Variants in PIEZO2 observed in about 807,000 individuals in gnomAD.
PIEZO2 encodes piezo-type mechanosensitive ion channel component 2.
Under a neutral mutation model 337.3 loss-of-function variants are expected in PIEZO2, and 172 were observed. That is an observed-to-expected ratio of 0.51 (90% CI 0.45 to 0.58). PIEZO2 has a LOEUF of 0.58. PIEZO2 is among the 20% of genes least tolerant of loss of function. The pLI is 0.00. For synonymous variants in PIEZO2, 1,251 were observed against 1,228.5 expected (o/e 1.02, Z -0.38); for missense variants, 3,028 against 3,391.3 (o/e 0.89, Z 2.66).
intron 1 of PIEZO2, among the ~76,000 whole-genome samples, chr18:11,130,128 T>C (rs1302267864): frequency 6.6e-6 from 1 of 152,208 alleles, no homozygotes; most frequent in East Asian, 1.9e-4. Context: ...AGTGCCACCA[T>C]CAAGGACTTG....
intron 3 of PIEZO2, among the ~76,000 whole-genome samples, chr18:10,961,300 G>A (rs2033769567): frequency 6.6e-6 from 1 of 152,034 alleles, no homozygotes; most frequent in Admixed American, 6.6e-5. Context: ...CTTATTCTAA[G>A]TGAAGTAAAG....
Position 10,854,814 on chromosome 18 carries a change from G to A in PIEZO2, c.917+539C>T, listed in dbSNP as rs745356844. ...CCGCAGTCTTGACCTCCCAGGCTCA[G>A]GTGACGCTCCCACTTCAGCCTCCTG... is the stretch of plus-strand genomic sequence containing the variant. On this transcript the variant is annotated intron_variant, in intron 7 of 55. Coordinates refer to ENST00000674853, the MANE Select transcript of PIEZO2 (RefSeq NM_001378183.1). This position sits in a 1 kb window ranked among gnomAD's most constrained non-coding sequence, Gnocchi z 4.6. Among the ~76,000 whole-genome samples, 4 of 152,182 alleles carry A rather than the reference G, an allele frequency of 2.6e-5. No individual in the cohort carries two copies. Among genetic ancestry groups the A allele is most frequent in the Non-Finnish European group, 5.9e-5 (4 of 68,040 alleles).
At chr18:10,922,854 C>A (rs1172010139) in intron 3 of PIEZO2, among the ~76,000 whole-genome samples, 1 of 152,078 alleles carries the variant, frequency 6.6e-6, no homozygotes, top group Non-Finnish European at 1.5e-5. Context: ...CAAAACTATA[C>A]AAAATAAAGC....
At chr18:11,026,562 A>G (rs184335865) in intron 2 of PIEZO2, among the ~76,000 whole-genome samples, 53 of 152,330 alleles carry the variant, frequency 3.5e-4, no homozygotes, top group African/African-American at 1.2e-3. Flanking sequence ...ATGCCGATGC[A>G]CTGTGCTCTT....
At chr18:11,098,094 A>C (rs1276446300) in intron 1 of PIEZO2, among the ~76,000 whole-genome samples, 2 of 152,200 alleles carry the variant, frequency 1.3e-5, no homozygotes, top group Non-Finnish European at 2.9e-5. Context: ...TGTCAATCTC[A>C]ACATTATTTG....
intron 47 of PIEZO2, among the ~76,000 whole-genome samples, chr18:10,694,329 A>T (rs2034990128): frequency 6.6e-6 from 1 of 152,234 alleles, no homozygotes; most frequent in South Asian, 2.1e-4. Flanking sequence ...CTCAATAGGA[A>T]TTACACTTGA....
Position 10,676,762 on chromosome 18 carries a change from G to C in PIEZO2, c.8081+985C>G, listed in dbSNP as rs1320756910. Among the ~76,000 whole-genome samples the C allele has an allele frequency of 6.6e-6, 1 of 152,214 alleles. No homozygotes were observed. Among genetic ancestry groups the C allele is most frequent in the African/African-American group, 2.4e-5 (1 of 41,440 alleles). ...TAGTGGCTCCCTAAGAAGGAACCTTGAGCCCCACCTCTTTCCACTGAGGGT... is the reference window on the plus strand; with the variant it reads ...TAGTGGCTCCCTAAGAAGGAACCTTCAGCCCCACCTCTTTCCACTGAGGGT... On this transcript the variant is annotated intron_variant, in intron 53 of 55. Transcript: ENST00000674853. This position sits in a 1 kb window ranked among gnomAD's most constrained non-coding sequence, Gnocchi z 5.1.
Position 10,855,384 on chromosome 18 carries a change from C to T in PIEZO2, c.886G>A (p.Glu296Lys). 1 of 1,536,982 alleles carries T rather than the reference C, an allele frequency of 6.5e-7. No homozygotes were observed. Among genetic ancestry groups the T allele is most frequent in the Non-Finnish European group, 8.7e-7 (1 of 1,146,702 alleles). ...LYLYQFQFFQ[E>K]AVPPNDYYAR... ...TAGTAGTCATTGGGTGGAACTGCCT[C>T]TTGAAAGAATTGGAACTGGTATAAA... Residue 296 changes from glutamate to lysine, a missense_variant, in exon 7 of 56, where the codon GAG becomes AAG. Physicochemically the swap from Glu to Lys is moderately conservative, Grantham distance 56. Around this residue, in one of 5 missense-constraint regions of PIEZO2, gnomAD observed 542 missense variants for 605.6 expected, o/e 0.89. Transcript: ENST00000674853. The surrounding 1 kb of genome is among the most constrained non-coding windows in gnomAD (Gnocchi z 4.9).
At chr18:10,744,311 GT>G in intron 30 of PIEZO2, 80 bp from the exon 31 acceptor site, 1 of 926,660 alleles carries the variant, frequency 1.1e-6, no homozygotes, top group Non-Finnish European at 1.7e-6. Flanking sequence ...ATTACTAAGG[GT>G]TAGAAAACAT....
In PIEZO2 at chr18:11,007,289, TA is replaced by T. The variant is rs371742807; in HGVS notation, c.161-27630del. On this transcript the variant is annotated intron_variant, in intron 2 of 55. Coordinates refer to ENST00000674853, the MANE Select transcript of PIEZO2 (RefSeq NM_001378183.1). The stretch of plus-strand genomic sequence containing the variant: ...GTTAATAAATATAGCTTTCATAAAG[TA>T]ACATTTGTTAACGTAAATGCTTTAA... 2.8e-4 allele frequency among the ~76,000 whole-genome samples: 42 copies of T among 152,318 alleles called. 1 individual carries two copies. Among genetic ancestry groups the T allele is most frequent in the African/African-American group, 9.9e-4 (41 of 41,568 alleles).
chr18:10,830,152 A>T lies in PIEZO2; in HGVS notation c.918-22878T>A, dbSNP rs1438705284. ...CCAGTAATTCATACATCTACAGTGA[A>T]CTTGCTTTTGACAAAGGTGCTAAGA... is the stretch of plus-strand genomic sequence containing the variant. On this transcript the variant is annotated intron_variant, in intron 7 of 55. Transcript: ENST00000674853. The surrounding 1 kb of genome is among the most constrained non-coding windows in gnomAD (Gnocchi z 4.7). 6.6e-6 allele frequency among the ~76,000 whole-genome samples: 1 copy of T among 152,142 alleles called. No homozygotes were observed. Among genetic ancestry groups the T allele is most frequent in the Non-Finnish European group, 1.5e-5 (1 of 68,006 alleles).
At chr18:10,880,491 T>C (rs2144845223) in intron 4 of PIEZO2, among the ~76,000 whole-genome samples, 1 of 152,238 alleles carries the variant, frequency 6.6e-6, no homozygotes, top group East Asian at 1.9e-4. Context: ...AGTATTGCTG[T>C]GAGGCATCCA....
At chr18:11,066,788 C>T (rs548780427) in intron 1 of PIEZO2, among the ~76,000 whole-genome samples, 8 of 152,246 alleles carry the variant, frequency 5.3e-5, no homozygotes, top group Admixed American at 2.6e-4. Context: ...TTAGTAGAGA[C>T]GGGGTTTCGC....
rs568673468 is a variant in PIEZO2 at position 11,100,802 on chromosome 18, A to G, written c.65-34580T>C. On this transcript the variant is annotated intron_variant, in intron 1 of 55. Transcript: ENST00000674853. ...AGTAGAGACAGGGTTTCACCGTGTT[A>G]GCCAGGATGGTCTCGATCTCCTGAC... is the stretch of plus-strand genomic sequence containing the variant. 5.9e-4 allele frequency among the ~76,000 whole-genome samples: 90 copies of G among 152,226 alleles called. No individual in the cohort carries two copies. The South Asian group carries it at 7.3e-3, about 12-fold the overall frequency.
At chr18:10,684,077 TTTCCTTCC>T (rs58148592) in intron 49 of PIEZO2, among the ~76,000 whole-genome samples, 4 of 132,896 alleles carry the variant, frequency 3.0e-5, no homozygotes, top group Non-Finnish European at 4.7e-5. Context: ...TTCCTTCCTT[TTTCCTTCC>T]TTCCTTCCTT....
At position 10,696,533 on chromosome 18, in the gene PIEZO2, C is replaced by T. The variant is rs1567958239; in HGVS notation, c.6834G>A (p.Leu2278=). Residue 2278 remains leucine (L), a synonymous_variant, in exon 46 of 56, where the codon CTG becomes CTA. Transcript: ENST00000674853. ...ACTGTTTGATGGGCACATAGATCTC[C>T]AGCGTCCTGCAAAATGGAGACCCCC... ...KAKAFTIKKT[L]EIYVPIKQFF... The T allele has an allele frequency of 6.2e-7, 1 of 1,613,280 alleles. No individual in the cohort carries two copies. Among genetic ancestry groups the T allele is most frequent in the Non-Finnish European group, 8.5e-7 (1 of 1,179,936 alleles).
chr18:10,698,193 T>C (rs1353043535), intron 44 of PIEZO2, among the ~76,000 whole-genome samples: 2 of 152,258 alleles, frequency 1.3e-5, no homozygotes, highest in East Asian at 3.8e-4. Flanking sequence ...GGATGCCCCA[T>C]GTCTGTTTTC....
At position 10,872,111 on chromosome 18, in the gene PIEZO2, T is replaced by C. The variant is rs1220077585; in HGVS notation, c.330-696A>G. ...GACATGAGATACTAGGTCACGGTTT[T>C]AGAAGAAAATATAAATACATATACA... is the stretch of plus-strand genomic sequence containing the variant. On this transcript the variant is annotated intron_variant, in intron 4 of 55. Transcript: ENST00000674853. This position sits in a 1 kb window ranked among gnomAD's most constrained non-coding sequence, Gnocchi z 4.3. 2.0e-5 allele frequency among the ~76,000 whole-genome samples: 3 copies of C among 152,242 alleles called. No individual in the cohort carries two copies. The highest frequency in any genetic ancestry group is 7.2e-5 in the African/African-American group (3 of 41,472).
chr18:10,848,370 T>C (rs557996778), intron 7 of PIEZO2, among the ~76,000 whole-genome samples: 1 of 152,362 alleles, frequency 6.6e-6, no homozygotes, highest in South Asian at 2.1e-4. Context: ...AAACTCATCA[T>C]GCTAGAATTT....
Sources: allele counts gnomAD v4.1 joint callset (sites outside exome capture counted in the v4.1 genomes callset), GRCh38; gene constraint gnomAD v4.1.1; regional missense constraint gnomAD v4.1.1; non-coding constraint Gnocchi (gnomAD v3.1); transcripts MANE v1.5; gene names NCBI Gene and HGNC (gene_info 2026-07-23, HGNC 2026-07-21).